The following PSMD12 variants were observed in gnomAD, a reference collection of about 807,000 sequenced individuals.
The protein encoded by PSMD12 is proteasome 26S subunit, non-ATPase 12, also known as 26S proteasome non-ATPase regulatory subunit 12.
PSMD12 carries 8 observed loss-of-function variants against 62.9 expected under a neutral mutation model. The ratio of observed to expected loss-of-function variants is 0.13; its 90% CI spans 0.07 to 0.23. PSMD12 has a LOEUF of 0.23. Ranked by LOEUF, PSMD12 falls within the 10% of genes least tolerant of loss-of-function variation. The probability of loss-of-function intolerance (pLI) is 1.00; values close to 1 mark genes in which losing one functional copy is unlikely to be tolerated. For synonymous variants in PSMD12, 173 were observed against 187.4 expected (o/e 0.92, Z 0.63); for missense variants, 424 against 550.2 (o/e 0.77, Z 2.29).
chr17:67,350,625 C>T lies in PSMD12; in HGVS notation c.298-289G>A, dbSNP rs145089316. Among the ~76,000 whole-genome samples the T allele has an allele frequency of 1.3e-5, 2 of 152,158 alleles. 1 individual carries two copies. The highest frequency in any genetic ancestry group is 3.8e-4 in the East Asian group (2 of 5,200). On this transcript the variant is annotated intron_variant, in intron 3 of 10. Transcript: ENST00000356126. ...GGGAAGAGAAAGCAGAGGTCCACAG[C>T]GGCTTGAAGCCATGACCTGCAGACA...
chr17:67,354,166 T>G (rs1255568274), intron 3 of PSMD12, among the ~76,000 whole-genome samples: 2 of 152,208 alleles, frequency 1.3e-5, no homozygotes, highest in East Asian at 3.8e-4. Flanking sequence ...TCCCAGAACT[T>G]TGGCAGACAA....
At chr17:67,364,516 GA>G (rs988185905) in intron 1 of PSMD12, among the ~76,000 whole-genome samples, 4 of 152,180 alleles carry the variant, frequency 2.6e-5, no homozygotes, top group Non-Finnish European at 5.9e-5. Context: ...GTCTAACACT[GA>G]CTAGGTCTTG....
rs1436496112 is a variant in PSMD12, at chr17:67,342,237, A to G, written c.1110T>C (p.Tyr370=). The change falls in exon 10 of 11, where the codon TAT becomes TAC. Residue 370 remains tyrosine, a synonymous_variant. Transcript: ENST00000356126. ...EHNIRIMAKY[Y]TRITMKRMAQ... ...CCATCCTTTTCATTGTTATCCGAGT[A>G]TAATACTTGGCCATTATTCTAATAT... The G allele has an allele frequency of 1.9e-6, 3 of 1,586,322 alleles. No homozygotes were observed. The highest frequency in any genetic ancestry group is 2.2e-5 in the East Asian group (1 of 44,622).
At chr17:67,362,432 T>C (rs2042139838) in intron 1 of PSMD12, among the ~76,000 whole-genome samples, 1 of 152,090 alleles carries the variant, frequency 6.6e-6, no homozygotes, top group Admixed American at 6.6e-5. Context: ...CCCAGCATTC[T>C]GGGAGGCTGA....
At chr17:67,363,871 A>G (rs2143742613) in intron 1 of PSMD12, among the ~76,000 whole-genome samples, 1 of 152,134 alleles carries the variant, frequency 6.6e-6, no homozygotes, top group East Asian at 1.9e-4. Context: ...CCAACATGGT[A>G]AAACCCCGTC....
At chr17:67,351,856 T>C (rs2042021513) in intron 3 of PSMD12, among the ~76,000 whole-genome samples, 1 of 151,664 alleles carries the variant, frequency 6.6e-6, no homozygotes, top group Non-Finnish European at 1.5e-5. Context: ...TCCCAGACTT[T>C]GGGAGGCTGA....
intron 7 of PSMD12, 138 bp downstream of exon 7, chr17:67,346,978 A>T: frequency 1.1e-6 from 1 of 888,272 alleles, no homozygotes; most frequent in Non-Finnish European, 1.7e-6. Flanking sequence ...TGAATCAGTA[A>T]TATACTGAAC....
At chr17:67,362,567 CA>C (rs2042141370) in intron 1 of PSMD12, among the ~76,000 whole-genome samples, 4 of 149,916 alleles carry the variant, frequency 2.7e-5, no homozygotes, top group African/African-American at 4.9e-5. Flanking sequence ...GACGCCGAGG[CA>C]GGAGAATTCC....
intron 1 of PSMD12, among the ~76,000 whole-genome samples, chr17:67,364,721 C>T (rs2042163561): frequency 6.6e-6 from 1 of 152,168 alleles, no homozygotes; most frequent in Admixed American, 6.5e-5. Flanking sequence ...TTTAATATGA[C>T]AGATTAGTAT....
intron 4 of PSMD12, 62 bp from the exon 5 acceptor site, chr17:67,348,716 G>C (rs1647117669): frequency 1.4e-6 from 2 of 1,457,730 alleles, no homozygotes; most frequent in Non-Finnish European, 1.9e-6. Context: ...TTAAAAAGTA[G>C]GCTGGGTATG....
At chr17:67,348,048 T>C (rs916755734) in intron 5 of PSMD12, among the ~76,000 whole-genome samples, 1 of 152,230 alleles carries the variant, frequency 6.6e-6, no homozygotes, top group African/African-American at 2.4e-5. Flanking sequence ...GCTGATTTTA[T>C]CTTTTTACTA....
chr17:67,362,406 G>A (rs2042139497), intron 1 of PSMD12, among the ~76,000 whole-genome samples: 1 of 152,138 alleles, frequency 6.6e-6, no homozygotes, highest in Admixed American at 6.5e-5. Flanking sequence ...TGGGCGCGGT[G>A]GCTCACGCCT....
At chr17:67,344,258 T>C (rs2041942683) in intron 9 of PSMD12, among the ~76,000 whole-genome samples, 1 of 152,202 alleles carries the variant, frequency 6.6e-6, no homozygotes, top group African/African-American at 2.4e-5. Flanking sequence ...ATACTATAAA[T>C]TTTGGATTCT....
Position 67,338,830 on chromosome 17 carries a change from C to G in PSMD12, c.*2013G>C, listed in dbSNP as rs1411751720. On this transcript the variant is annotated 3_prime_UTR_variant, in exon 11 of 11. Coordinates refer to ENST00000356126, the MANE Select transcript of PSMD12 (RefSeq NM_002816.5). Reference sequence around the variant, plus strand: ...TCGTGACACTGCAATCCAGCCTGGGCAACAAGAGTGAAACTCCGTCTCAAA... The same window carrying G: ...TCGTGACACTGCAATCCAGCCTGGGGAACAAGAGTGAAACTCCGTCTCAAA... 1.3e-5 allele frequency: 2 copies of G among 151,898 alleles called. No individual in the cohort carries two copies. The highest frequency in any genetic ancestry group is 4.8e-5 in the African/African-American group (2 of 41,332). 9.4% of individuals were successfully genotyped at this position (151,898 alleles called of 1,614,324 possible). A position where few individuals can be genotyped will look rare whatever the true frequency, so the allele number is the denominator to read the frequency against.
chr17:67,355,004 A>C (rs893991309), intron 3 of PSMD12, among the ~76,000 whole-genome samples: 1 of 152,032 alleles, frequency 6.6e-6, no homozygotes, highest in Non-Finnish European at 1.5e-5. Context: ...ATAAATACAT[A>C]CATAAATTTC....
Position 67,340,958 on chromosome 17 carries a change from T to C in PSMD12, c.1256A>G (p.Lys419Arg). The change falls in exon 11 of 11, where the codon AAG becomes AGG. Residue 419 changes from lysine (K) to arginine (R), a missense_variant. Physicochemically the swap from Lys to Arg is conservative, Grantham distance 26. Coordinates refer to ENST00000356126, the MANE Select transcript of PSMD12 (RefSeq NM_002816.5). ...GTCATTTAATAAATTATTTGGATCC[T>C]TGGGTCTCTGGAAGTTGATAATTCC... Reference protein sequence around the residue: ...LAGIINFQRPKDPNNLLNDWS... With the variant: ...LAGIINFQRPRDPNNLLNDWS... The C allele has an allele frequency of 1.9e-6, 3 of 1,583,836 alleles. No homozygotes were observed. Among genetic ancestry groups the C allele is most frequent in the African/African-American group, 1.4e-5 (1 of 72,850 alleles).
At chr17:67,362,685 C>G (rs1356040550) in intron 1 of PSMD12, 2 of 139,996 alleles carry the variant, frequency 1.4e-5, no homozygotes, top group East Asian at 4.0e-4. Flanking sequence ...CAAAAAAAAC[C>G]CAAAAAAAAA....
Position 67,341,050 on chromosome 17 carries a change from C to T in PSMD12, c.1164G>A (p.Glu388=). The T allele has an allele frequency of 1.3e-6, 2 of 1,542,386 alleles. No homozygotes were observed. Among genetic ancestry groups the T allele is most frequent in the Non-Finnish European group, 1.7e-6 (2 of 1,150,348 alleles). ...MAQLLDLSVD[E]SEAFLSNLVV... Reference sequence around the variant, plus strand: ...CTAGATTTGAGAGAAAGGCTTCGGACTCCTGCAAGAGAGAAAGATAAATTG... The same window carrying T: ...CTAGATTTGAGAGAAAGGCTTCGGATTCCTGCAAGAGAGAAAGATAAATTG... The change falls in exon 11 of 11, where the codon GAG becomes GAA. Residue 388 remains glutamate (E), a splice_region_variant and synonymous_variant. Coordinates refer to ENST00000356126, the MANE Select transcript of PSMD12 (RefSeq NM_002816.5).
At chr17:67,351,071 T>G (rs2042012635) in intron 3 of PSMD12, among the ~76,000 whole-genome samples, 1 of 152,070 alleles carries the variant, frequency 6.6e-6, no homozygotes. Flanking sequence ...GATCTAGATT[T>G]TAAGCAATAT....
Sources: gnomAD v4.1 joint callset for allele counts (sites outside exome capture counted in the v4.1 genomes callset) on GRCh38, gnomAD v4.1.1 for gene constraint, MANE v1.5 for transcripts, NCBI Gene and HGNC (gene_info 2026-07-23, HGNC 2026-07-21) for gene names.